Variants in KRI1 observed in about 807,000 individuals in gnomAD.
KRI1 encodes KRI1 homolog.
KRI1 carries 83 observed loss-of-function variants against 97.0 expected under a neutral mutation model. That is an observed-to-expected ratio of 0.86 (90% CI 0.72 to 1.03). The LOEUF is 1.03. Ranked by LOEUF, KRI1 falls within the 50% of genes least tolerant of loss-of-function variation. The pLI, the probability that KRI1 is intolerant of heterozygous loss-of-function variation, is 0.00. For missense variants in KRI1, 916 were observed against 928.4 expected (o/e 0.99, Z 0.17); for synonymous variants, 371 against 363.5 (o/e 1.02, Z -0.23).
At chr19:10,555,023 G>A (rs1916453815) in intron 18 of KRI1, 64 bp downstream of exon 18, 2 of 1,363,662 alleles carry the variant, frequency 1.5e-6, no homozygotes, top group Non-Finnish European at 2.1e-6. Context: ...GGTTGACGGA[G>A]CCAAGACTCA....
In KRI1 at chr19:10,565,972, G is replaced by C; in HGVS notation, c.28C>G (p.Leu10Val). MPEPRGSSQLRVNAAFAARY... is the reference protein window; with the variant it reads MPEPRGSSQVRVNAAFAARY... Reference sequence around the variant, plus strand: ...GCGGCAAACGCCGCGTTCACCCGCAGCTGCGACGACCCGCGCGGTTCCGGC... The same window carrying C: ...GCGGCAAACGCCGCGTTCACCCGCACCTGCGACGACCCGCGCGGTTCCGGC... The change falls in exon 1 of 19, where the codon CTG (leucine) becomes GTG (valine). Residue 10 changes from leucine (L) to valine (V), a missense_variant. By Grantham distance (32) the Leu-to-Val change is conservative. Transcript: ENST00000312962. 6.6e-7 allele frequency: 1 copy of C among 1,526,456 alleles called. No homozygotes were observed. Among genetic ancestry groups the C allele is most frequent in the Non-Finnish European group, 8.8e-7 (1 of 1,140,700 alleles). The allele number at this position is 1,526,456 out of a possible 1,614,324, so 94.6% of individuals were successfully genotyped here.
At position 10,564,248 on chromosome 19, in the gene KRI1, G is replaced by T. The variant is rs908243611; in HGVS notation, c.274+681C>A. Among the ~76,000 whole-genome samples the T allele has an allele frequency of 2.6e-5, 4 of 151,574 alleles. No homozygotes were observed. The East Asian group carries it at 7.8e-4, about 29-fold the overall frequency. ...GGCCAGGGTGGGCGGATCACCTGAA[G>T]TTGGGAGTTCGAGACCAGCCTGGCC... On this transcript the variant is annotated intron_variant, in intron 3 of 18. Coordinates refer to ENST00000312962, the MANE Select transcript of KRI1 (RefSeq NM_023008.5).
intron 10 of KRI1, 43 bp from the exon 11 acceptor site, chr19:10,559,751 G>A (rs763849847): frequency 3.7e-6 from 6 of 1,614,016 alleles, no homozygotes; most frequent in Non-Finnish European, 5.1e-6. Flanking sequence ...CAGAGATGAT[G>A]TGGGGTTCCC....
At chr19:10,559,986 G>A in intron 9 of KRI1, 50 bp from the exon 10 acceptor site, 1 of 1,595,228 alleles carries the variant, frequency 6.3e-7, no homozygotes, top group Non-Finnish European at 8.5e-7. Context: ...GTGAGGTCGA[G>A]CCCCCCTTTC....
chr19:10,556,636 C>T (rs1434574703), intron 16 of KRI1, among the ~76,000 whole-genome samples: 1 of 151,440 alleles, frequency 6.6e-6, no homozygotes, highest in Non-Finnish European at 1.5e-5. Flanking sequence ...CACCGCATGC[C>T]GGCCTGGGTG....
chr19:10,565,020 C>T lies in KRI1; in HGVS notation c.183G>A (p.Gln61=), dbSNP rs1355925692. 1 of 1,612,034 alleles carries T rather than the reference C, an allele frequency of 6.2e-7. No individual in the cohort carries two copies. The highest frequency in any genetic ancestry group is 1.3e-5 in the African/African-American group (1 of 74,952). Residue 61 remains glutamine, a synonymous_variant, in exon 3 of 19, where the codon CAG becomes CAA. Transcript: ENST00000312962. ...SSDERVEFDP[Q]QERDFYKTLS... ...GCGTTTTGTAAAAGTCCCGCTCCTG[C>T]TGGGGATCAAATTCCTAGGGCAGGA...
chr19:10,561,212 C>G lies in KRI1; in HGVS notation c.542G>C (p.Gly181Ala). ...SEDEDGAGEG[G>A]SSLLQKRAKT... ...GGCACGTTTCTGCAGCAAACTGGAG[C>G]CGCCCTCCCCAGCGCCGTCCTCGTC... The change falls in exon 7 of 19, where the codon GGC (glycine) becomes GCC (alanine). Residue 181 changes from glycine to alanine, a missense_variant. By Grantham distance (60) the Gly-to-Ala change is moderately conservative (BLOSUM62 0). Around this residue, in one of 3 missense-constraint regions of KRI1, gnomAD observed 71 missense variants for 108.1 expected, o/e 0.66. Transcript: ENST00000312962. 6.2e-7 allele frequency: 1 copy of G among 1,614,114 alleles called. No homozygotes were observed. The highest frequency in any genetic ancestry group is 8.5e-7 in the Non-Finnish European group (1 of 1,180,030).
Position 10,560,486 on chromosome 19 carries a change from G to A in KRI1, c.664-38C>T, listed in dbSNP as rs1251691041. 5.3e-6 allele frequency: 8 copies of A among 1,496,004 alleles called. No individual in the cohort carries two copies. In the Middle Eastern group the frequency reaches 5.4e-4, roughly 101 times the overall value. 92.7% of individuals were successfully genotyped at this position (1,496,004 alleles called of 1,614,324 possible). On this transcript the variant is annotated intron_variant, in intron 8 of 18. Transcript: ENST00000312962. Reference sequence around the variant, plus strand: ...GGAGACAGGACTCTGGTCAATGGAGGACAGGGAAGGAGGGCAGGCATGCTC... The same window carrying A: ...GGAGACAGGACTCTGGTCAATGGAGAACAGGGAAGGAGGGCAGGCATGCTC...
At chr19:10,565,328 C>A (rs970224516) in intron 2 of KRI1, 14 of 527,814 alleles carry the variant, frequency 2.7e-5, no homozygotes, top group Non-Finnish European at 4.0e-5. Context: ...AGAGAGACAG[C>A]GGGGAGGGGC....
chr19:10,556,840 T>C lies in KRI1; in HGVS notation c.1617+712A>G, dbSNP rs368966474. Reference sequence around the variant, plus strand: ...AACATCATCTGTACAAAAAATATTTTTAATTAAAAAAAATTAATTGGGCAT... The same window carrying C: ...AACATCATCTGTACAAAAAATATTTCTAATTAAAAAAAATTAATTGGGCAT... On this transcript the variant is annotated intron_variant, in intron 16 of 18. Coordinates refer to ENST00000312962, the MANE Select transcript of KRI1 (RefSeq NM_023008.5). 4.0e-5 allele frequency among the ~76,000 whole-genome samples: 6 copies of C among 151,248 alleles called. No individual in the cohort carries two copies. The East Asian group carries it at 1.2e-3, about 30-fold the overall frequency.
rs1049117307 is a variant in KRI1, at chr19:10,565,638, C to G, written c.168+79G>C. The stretch of plus-strand genomic sequence containing the variant: ...AGGGCGCTCTGGGGTTGGGGGTTCC[C>G]CCCCGTCTACATCGGGGTCGGGGTG... On this transcript the variant is annotated intron_variant, in intron 2 of 18. Coordinates refer to ENST00000312962, the MANE Select transcript of KRI1 (RefSeq NM_023008.5). 11 of 1,478,064 alleles carry G rather than the reference C, an allele frequency of 7.4e-6. 1 individual carries two copies. The African/African-American group carries it at 1.4e-4, about 19-fold the overall frequency. 91.6% of individuals were successfully genotyped at this position (1,478,064 alleles called of 1,614,324 possible).
intron 2 of KRI1, 21 bp from the exon 3 acceptor site, chr19:10,565,055 G>C: frequency 1.3e-6 from 2 of 1,513,556 alleles, no homozygotes; most frequent in Non-Finnish European, 1.8e-6. Flanking sequence ...AAAAGGGTTG[G>C]GGATAGATTT....
At chr19:10,555,857 G>A (rs1159023909) in intron 16 of KRI1, among the ~76,000 whole-genome samples, 4 of 152,220 alleles carry the variant, frequency 2.6e-5, no homozygotes, top group African/African-American at 9.6e-5. Context: ...GCCGTCATCA[G>A]TCAGGCATAG....
chr19:10,559,741 C>T (rs760538152), intron 10 of KRI1, 33 bp from the exon 11 acceptor site: 9 of 1,614,054 alleles, frequency 5.6e-6, no homozygotes, highest in Non-Finnish European at 6.8e-6. Context: ...ACAAGGGCCG[C>T]AGAGATGATG....
At chr19:10,564,575 A>C (rs376079646) in intron 3 of KRI1, among the ~76,000 whole-genome samples, 2 of 152,176 alleles carry the variant, frequency 1.3e-5, no homozygotes, top group East Asian at 1.9e-4. Flanking sequence ...TAGATGCTTG[A>C]ACCACCTGCC....
chr19:10,565,253 G>T lies in KRI1; in HGVS notation c.169-219C>A, dbSNP rs562106576. Reference sequence around the variant, plus strand: ...GGATATGGGTAGAGGAAGGTGAGGGGCAAGGAGAAGGTAATTCCTGGGGAA... The same window carrying T: ...GGATATGGGTAGAGGAAGGTGAGGGTCAAGGAGAAGGTAATTCCTGGGGAA... On this transcript the variant is annotated intron_variant, in intron 2 of 18. Coordinates refer to ENST00000312962, the MANE Select transcript of KRI1 (RefSeq NM_023008.5). 6.9e-6 allele frequency: 4 copies of T among 577,050 alleles called. No individual in the cohort carries two copies. In the East Asian group the frequency reaches 8.9e-5, roughly 13 times the overall value. 35.7% of individuals were successfully genotyped at this position (577,050 alleles called of 1,614,324 possible). A position where few individuals can be genotyped will look rare whatever the true frequency, so the allele number is the denominator to read the frequency against.
At chr19:10,555,398 GGCCTTCCCTGA>G in intron 16 of KRI1, 49 bp from the exon 17 acceptor site, 1 of 1,599,254 alleles carries the variant, frequency 6.3e-7, no homozygotes, top group East Asian at 2.2e-5. Context: ...GCCCAGGCGG[GGCCTTCCCTGA>G]GCCTAAGTCA....
chr19:10,555,223 G>A lies in KRI1; in HGVS notation c.1683-38C>T, dbSNP rs1159943497. The A allele has an allele frequency of 1.5e-5, 6 of 404,716 alleles. No homozygotes were observed. The South Asian group carries it at 2.7e-4, about 18-fold the overall frequency. 25.1% of individuals were successfully genotyped at this position (404,716 alleles called of 1,614,324 possible). ...GCCCCTGTGTTGGGTGCTCTGGGAA[G>A]TGCCCGAGGCTGCCCGCCCTGCCCC... is the stretch of plus-strand genomic sequence containing the variant. On this transcript the variant is annotated intron_variant, in intron 17 of 18. Coordinates refer to ENST00000312962, the MANE Select transcript of KRI1 (RefSeq NM_023008.5).
intron 8 of KRI1, 43 bp from the exon 9 acceptor site, chr19:10,560,491 G>C: frequency 6.8e-7 from 1 of 1,461,966 alleles, no homozygotes; most frequent in Non-Finnish European, 9.4e-7. Flanking sequence ...TGGAGGACAG[G>C]GAAGGAGGGC....
Sources: gnomAD v4.1 joint callset for allele counts (sites outside exome capture counted in the v4.1 genomes callset) on GRCh38, gnomAD v4.1.1 for gene constraint, gnomAD v4.1.1 regional missense constraint, MANE v1.5 for transcripts, NCBI Gene and HGNC (gene_info 2026-07-23, HGNC 2026-07-21) for gene names.